The following TBCD variants were observed in gnomAD, a reference collection of about 807,000 sequenced individuals.
TBCD encodes tubulin folding cofactor D.
TBCD carries 105 observed loss-of-function variants against 169.3 expected under a neutral mutation model. The observed-to-expected ratio is 0.62, with a 90% CI of 0.53 to 0.73. TBCD has a LOEUF of 0.73. Ranked by LOEUF, TBCD falls within the 30% of genes least tolerant of loss-of-function variation. TBCD has a pLI of 0.00. For missense variants in TBCD, 1,444 were observed against 1,600.1 expected (o/e 0.90, Z 1.66); for synonymous variants, 700 against 643.9 (o/e 1.09, Z -1.32).
intron 19 of TBCD, among the ~76,000 whole-genome samples, chr17:82,905,501 C>T (rs539755215): frequency 5.5e-5 from 8 of 144,780 alleles, no homozygotes; most frequent in African/African-American, 2.1e-4. Flanking sequence ...ACGCCGTCGC[C>T]TGCCCTCCCG....
In TBCD at chr17:82,923,813, G is replaced by A. The variant is rs2061560092; in HGVS notation, c.2260+80G>A. 9 of 1,241,010 alleles carry A rather than the reference G, an allele frequency of 7.3e-6. No homozygotes were observed. In the East Asian group the frequency reaches 2.0e-4, roughly 28 times the overall value. The allele number at this position is 1,241,010 out of a possible 1,614,324, so 76.9% of individuals were successfully genotyped here. The stretch of plus-strand genomic sequence containing the variant: ...TGGGGAGTGTCTGGGCACGGAGGAG[G>A]CCTCGGTTGTGCAGTGGAGCAGAGC... On this transcript the variant is annotated intron_variant, in intron 26 of 38. Transcript: ENST00000355528. This position sits in a 1 kb window ranked among gnomAD's most constrained non-coding sequence, Gnocchi z 4.6.
chr17:82,794,122 G>A (rs2049937891), intron 7 of TBCD, among the ~76,000 whole-genome samples: 1 of 152,230 alleles, frequency 6.6e-6, no homozygotes, highest in Non-Finnish European at 1.5e-5. Flanking sequence ...CTCGGGTGGA[G>A]TTGCTTTTCT....
rs982997280 is a variant in TBCD at position 82,818,837 on chromosome 17, C to T, written c.1318+3903C>T. 2.6e-5 allele frequency among the ~76,000 whole-genome samples: 4 copies of T among 152,170 alleles called. 1 individual carries two copies. The highest frequency in any genetic ancestry group is 4.4e-5 in the Non-Finnish European group (3 of 68,022). The stretch of plus-strand genomic sequence containing the variant: ...ATCCCAGCACTTTGGGAGGCCAAGG[C>T]GGGGGGATCACCTGAGGCCAGGAGT... On this transcript the variant is annotated intron_variant, in intron 13 of 38. Coordinates refer to ENST00000355528, the MANE Select transcript of TBCD (RefSeq NM_005993.5).
At position 82,930,617 on chromosome 17, in the gene TBCD, C is replaced by A. The variant is rs1197767983; in HGVS notation, c.3087C>A (p.Ile1029=). The A allele has an allele frequency of 2.5e-6, 4 of 1,613,884 alleles. No individual in the cohort carries two copies. In the African/African-American group the frequency reaches 4.0e-5, roughly 16 times the overall value. ...GCTTCAGCGGGACCCTTCTGCAGAT[C>A]TTTGAGGACAACCTTCTGAATGAGA... ...LGSFSGTLLQ[I]FEDNLLNERV... The change falls in exon 33 of 39, where the codon ATC becomes ATA. Residue 1029 remains isoleucine, a synonymous_variant. Coordinates refer to ENST00000355528, the MANE Select transcript of TBCD (RefSeq NM_005993.5). The surrounding 1 kb of genome is among the most constrained non-coding windows in gnomAD (Gnocchi z 5.2).
At chr17:82,759,382 G>A (rs533351190) in intron 2 of TBCD, among the ~76,000 whole-genome samples, 4 of 152,234 alleles carry the variant, frequency 2.6e-5, no homozygotes, top group Admixed American at 1.3e-4. Context: ...TTGAGAGGCC[G>A]AGGCAGGAGA....
Position 82,871,256 on chromosome 17 carries a change from C to T in TBCD, c.1475+876C>T, listed in dbSNP as rs557558404. ...AAACATGTGTCCCCAGCGCAGGAAA[C>T]GATTCAATTCAATTCAACCGTGTGC... On this transcript the variant is annotated intron_variant, in intron 14 of 38. Coordinates refer to ENST00000355528, the MANE Select transcript of TBCD (RefSeq NM_005993.5). Among the ~76,000 whole-genome samples, 5 of 152,154 alleles carry T rather than the reference C, an allele frequency of 3.3e-5. No individual in the cohort carries two copies. The East Asian group carries it at 5.8e-4, about 18-fold the overall frequency.
chr17:82,794,981 C>T (rs548569538), intron 7 of TBCD, among the ~76,000 whole-genome samples: 1 of 152,340 alleles, frequency 6.6e-6, no homozygotes, highest in Admixed American at 6.5e-5. Flanking sequence ...GTGCTGTCTC[C>T]TGTGTGTAGC....
intron 4 of TBCD, among the ~76,000 whole-genome samples, chr17:82,766,705 C>A (rs1004086153): frequency 6.6e-6 from 1 of 152,118 alleles, no homozygotes; most frequent in African/African-American, 2.4e-5. Flanking sequence ...ACTTCCTGAG[C>A]GGGACTCACA....
Position 82,889,781 on chromosome 17 carries a change from C to G in TBCD, c.1563+84C>G. The G allele has an allele frequency of 6.7e-7, 1 of 1,502,870 alleles. No homozygotes were observed. Among genetic ancestry groups the G allele is most frequent in the East Asian group, 2.3e-5 (1 of 44,006 alleles). 93.1% of individuals were successfully genotyped at this position (1,502,870 alleles called of 1,614,324 possible). ...ATCTTGAGAGCTATAACCCTGGTGT[C>G]TTCTCGCACTGTGAGATGTGGTGTG... On this transcript the variant is annotated intron_variant, in intron 16 of 38. Transcript: ENST00000355528. This position sits in a 1 kb window ranked among gnomAD's most constrained non-coding sequence, Gnocchi z 5.3.
Position 82,764,023 on chromosome 17 carries a change from T to G in TBCD, c.294T>G (p.Leu98=), listed in dbSNP as rs1412575058. 1 of 1,613,850 alleles carries G rather than the reference T, an allele frequency of 6.2e-7. No homozygotes were observed. The highest frequency in any genetic ancestry group is 8.5e-7 in the Non-Finnish European group (1 of 1,179,880). Residue 98 remains leucine, a synonymous_variant, in exon 3 of 39, where the codon CTT becomes CTG. Transcript: ENST00000355528. ...IVQDQTSPAS[L]VHLAFKFLYI... is the part of the protein sequence containing the mutation. ...AAGATCAGACATCTCCAGCTTCCCT[T>G]GTACATCTGGCTTTTAAATTTCTTT...
At chr17:82,844,622 C>T (rs544629340) in intron 13 of TBCD, among the ~76,000 whole-genome samples, 10 of 152,220 alleles carry the variant, frequency 6.6e-5, no homozygotes, top group South Asian at 6.2e-4. Context: ...CAGGCTCCTC[C>T]GTGGTCCTGG....
intron 14 of TBCD, among the ~76,000 whole-genome samples, chr17:82,870,883 G>GT (rs2057510077): frequency 6.6e-6 from 1 of 152,280 alleles, no homozygotes; most frequent in African/African-American, 2.4e-5. Flanking sequence ...TTCAGATGGT[G>GT]TTTGTTTTTG....
chr17:82,942,451 T>C lies in TBCD; in HGVS notation c.3567T>C (p.Pro1189=). The part of the protein sequence containing the change: ...GVPRPQLVPQ[P]GAC Reference sequence around the variant, plus strand: ...AGCTTGTCTTGTCTCTTCTTCAGCCTGGTGCCTGCTGAAGCCAGTCCTGGA... The same window carrying C: ...AGCTTGTCTTGTCTCTTCTTCAGCCCGGTGCCTGCTGAAGCCAGTCCTGGA... The change falls in exon 39 of 39, where the codon CCT becomes CCC. Residue 1189 remains proline, a splice_region_variant and synonymous_variant. Coordinates refer to ENST00000355528, the MANE Select transcript of TBCD (RefSeq NM_005993.5). 6.2e-7 allele frequency: 1 copy of C among 1,613,986 alleles called. No individual in the cohort carries two copies. Among genetic ancestry groups the C allele is most frequent in the East Asian group, 2.2e-5 (1 of 44,874 alleles).
chr17:82,863,308 T>C (rs942766930), intron 13 of TBCD, among the ~76,000 whole-genome samples: 19 of 152,178 alleles, frequency 1.2e-4, no homozygotes, highest in Non-Finnish European at 2.5e-4. Flanking sequence ...GCTGTGTGCC[T>C]GGAACCTTTA....
rs142083435 is a variant in TBCD at position 82,922,337 on chromosome 17, G to A, written c.2178+760G>A. Among the ~76,000 whole-genome samples, 1,861 of 152,026 alleles carry A rather than the reference G, an allele frequency of 0.012. 53 individuals carry two copies. Among genetic ancestry groups the A allele is most frequent in the African/African-American group, 0.043 (1,768 of 41,442 alleles). On this transcript the variant is annotated intron_variant, in intron 25 of 38. Transcript: ENST00000355528. The surrounding 1 kb of genome is among the most constrained non-coding windows in gnomAD (Gnocchi z 4.1). The stretch of plus-strand genomic sequence containing the variant: ...GATCACGCCATTGCACTCCAGCCTG[G>A]GTGACAAGAGCAAGACCCTGCCTCA...
At chr17:82,829,159 G>A (rs563875710) in intron 13 of TBCD, among the ~76,000 whole-genome samples, 8 of 148,110 alleles carry the variant, frequency 5.4e-5, no homozygotes, top group Non-Finnish European at 7.4e-5. Flanking sequence ...GCACACACCC[G>A]CAGAGATGCA....
In TBCD at chr17:82,937,802, G is replaced by A. The variant is rs528323043; in HGVS notation, c.3282-247G>A. ...TGGGGGTCCTCATGGCAGGGCGAGC[G>A]GCCCTGCAGGAGATCCTCTGTGAGG... is the stretch of plus-strand genomic sequence containing the variant. On this transcript the variant is annotated intron_variant, in intron 35 of 38. Coordinates refer to ENST00000355528, the MANE Select transcript of TBCD (RefSeq NM_005993.5). The A allele has an allele frequency of 6.9e-4, 944 of 1,370,360 alleles. 4 individuals are homozygous for A. Among genetic ancestry groups the A allele is most frequent in the South Asian group, 1.7e-3 (118 of 67,926 alleles). The allele number at this position is 1,370,360 out of a possible 1,614,324, so 84.9% of individuals were successfully genotyped here. A position where few individuals can be genotyped will look rare whatever the true frequency, so the allele number is the denominator to read the frequency against.
chr17:82,879,323 C>T (rs913752159), intron 14 of TBCD, among the ~76,000 whole-genome samples: 5 of 152,222 alleles, frequency 3.3e-5, no homozygotes, highest in African/African-American at 1.2e-4. Context: ...AGCTCTAGCC[C>T]AGCTTCCTCC....
At chr17:82,912,234 G>A (rs1356034884) in intron 23 of TBCD, among the ~76,000 whole-genome samples, 1 of 152,176 alleles carries the variant, frequency 6.6e-6, no homozygotes, top group East Asian at 1.9e-4. Flanking sequence ...GCTCAGGCGG[G>A]GGCAAGAGGA....
Sources: gnomAD v4.1 joint callset for allele counts (sites outside exome capture counted in the v4.1 genomes callset) on GRCh38, gnomAD v4.1.1 for gene constraint, Gnocchi (gnomAD v3.1) non-coding constraint, MANE v1.5 for transcripts, NCBI Gene and HGNC (gene_info 2026-07-23, HGNC 2026-07-21) for gene names.